Variants in DNAH9 observed in about 807,000 individuals in gnomAD.
DNAH9 encodes the protein DNAH9 variant protein.
In DNAH9, 345 loss-of-function variants were observed where a neutral mutation model predicts 471.6. That is an observed-to-expected ratio of 0.73 (90% confidence interval 0.67 to 0.80). The LOEUF is 0.80. DNAH9 is among the 30% of genes least tolerant of loss of function. DNAH9 has a pLI of 0.00. For synonymous variants in DNAH9, 2,093 were observed against 2,123.6 expected, an observed-to-expected ratio of 0.99 and a Z score of 0.40; for missense variants, 5,407 against 5,609.2, an observed-to-expected ratio of 0.96 and a Z score of 1.15.
chr17:11,709,588 G>A (rs2074796091), intron 26 of DNAH9, among the ~76,000 whole-genome samples: 1 of 152,136 alleles, frequency 6.6e-6, no homozygotes, highest in South Asian at 2.1e-4. Flanking sequence ...GATTATGCCT[G>A]TTTCTTTGGA....
rs764717107 is a variant in DNAH9 at position 11,942,439 on chromosome 17, C to A, written c.12797C>A (p.Thr4266Asn). The change falls in exon 67 of 69, where the codon ACC (threonine) becomes AAC (asparagine). Residue 4266 changes from threonine (T) to asparagine (N), a missense_variant. Thr to Asn is a moderately conservative substitution (Grantham distance 65). Transcript: ENST00000262442. ...FQECGRMNILTREIQRSLREL... is the reference protein window; with the variant it reads ...FQECGRMNILNREIQRSLREL... ...GAGTGTGGCCGGATGAATATCCTCACCAGAGAGATTCAGCGCTCACTGAGG... is the reference window on the plus strand; with the variant it reads ...GAGTGTGGCCGGATGAATATCCTCAACAGAGAGATTCAGCGCTCACTGAGG... 4.3e-6 allele frequency: 7 copies of A among 1,614,000 alleles called. No homozygotes were observed. The highest frequency in any genetic ancestry group is 5.9e-6 in the Non-Finnish European group (7 of 1,180,016).
At position 11,939,315 on chromosome 17, in the gene DNAH9, ATAGACT is replaced by A. The variant is rs1291743250; in HGVS notation, c.12660+1798_12660+1803del. 8.5e-5 allele frequency among the ~76,000 whole-genome samples: 13 copies of A among 152,332 alleles called. No individual in the cohort carries two copies. In the South Asian group the frequency reaches 1.0e-3, roughly 12 times the overall value. ...GGAAAAGGCTGAGACTGTATAAGTA[ATAGACT>A]TAGAATTCTTCAGTCAAGGTTCAAA... is the stretch of plus-strand genomic sequence containing the variant. On this transcript the variant is annotated intron_variant, in intron 66 of 68. Transcript: ENST00000262442.
intron 28 of DNAH9, 64 bp downstream of exon 28, chr17:11,727,986 C>A: frequency 9.4e-7 from 1 of 1,062,844 alleles, no homozygotes; most frequent in South Asian, 1.3e-5. Flanking sequence ...AAGTCTATGT[C>A]CTCTTGTTTT....
chr17:11,717,001 A>G (rs1477170518), intron 26 of DNAH9, among the ~76,000 whole-genome samples: 1 of 152,250 alleles, frequency 6.6e-6, no homozygotes, highest in Non-Finnish European at 1.5e-5. Context: ...AGGTGAGGCC[A>G]CGCATAGGGC....
In DNAH9 at chr17:11,690,434, CAGG is replaced by C. The variant is rs768185747; in HGVS notation, c.4613_4614+1del. On this transcript the variant is annotated splice_donor_variant and coding_sequence_variant, in exon 20 of 69. Transcript: ENST00000262442. LOFTEE classifies it high-confidence loss of function. ...TGAAGATATTCGGGCACAGCTACCCCAGGTACCTGCTAAGGAAATCTAGAATCT... is the reference window on the plus strand; with the variant it reads ...TGAAGATATTCGGGCACAGCTACCCCTACCTGCTAAGGAAATCTAGAATCT... 2.5e-6 allele frequency: 4 copies of C among 1,611,942 alleles called. No individual in the cohort carries two copies. The highest frequency in any genetic ancestry group is 3.4e-6 in the Non-Finnish European group (4 of 1,178,456).
At chr17:11,859,108 G>T (rs1280485644) in intron 50 of DNAH9, among the ~76,000 whole-genome samples, 1 of 136,066 alleles carries the variant, frequency 7.3e-6, no homozygotes, top group Non-Finnish European at 1.6e-5. Flanking sequence ...AAAAAAAAGA[G>T]TAATGACACA....
rs751676731 is a variant in DNAH9, at chr17:11,756,667, T to G, written c.6838T>G (p.Ser2280Ala). ...GCGCACAGCCACTCCAGCAACTGTC[T>G]CTAGAGCAGGTACGGCCCAAGAAGG... The part of the protein sequence containing the change: ...HLRTATPATV[S>A]RAGILYINPA... The change falls in exon 34 of 69, where the codon TCT becomes GCT. Residue 2280 changes from serine to alanine, a missense_variant. Physicochemically the swap from Ser to Ala is moderately conservative, Grantham distance 99 (BLOSUM62 1). This residue lies in a region of DNAH9 where 4,636 missense variants were observed against 4,900.3 expected (regional missense o/e 0.95). Coordinates refer to ENST00000262442, the MANE Select transcript of DNAH9 (RefSeq NM_001372.4). The G allele has an allele frequency of 5.6e-6, 9 of 1,605,912 alleles. No homozygotes were observed. The highest frequency in any genetic ancestry group is 5.5e-5 in the South Asian group (5 of 90,900).
At chr17:11,816,677 C>G (rs543760760) in intron 45 of DNAH9, among the ~76,000 whole-genome samples, 1 of 152,260 alleles carries the variant, frequency 6.6e-6, no homozygotes, top group South Asian at 2.1e-4. Flanking sequence ...CTAACTAAAC[C>G]ACGTTAAATT....
Position 11,902,805 on chromosome 17 carries a change from A to T in DNAH9, c.11493A>T (p.Glu3831Asp), listed in dbSNP as rs1206371064. ...GCTGGAAAAAGTTTGTGGAGTCCGA[A>T]TGTCCTGAGAAAGAGAAGCTCCCAC... is the stretch of plus-strand genomic sequence containing the variant. ...AKSWKKFVES[E>D]CPEKEKLPQE... is the part of the protein sequence containing the mutation. Residue 3831 changes from glutamate to aspartate, a missense_variant, in exon 60 of 69, where the codon GAA (glutamate) becomes GAT (aspartate). This residue lies in a region of DNAH9 where 4,636 missense variants were observed against 4,900.3 expected (regional missense o/e 0.95). Coordinates refer to ENST00000262442, the MANE Select transcript of DNAH9 (RefSeq NM_001372.4). The T allele has an allele frequency of 6.8e-6, 11 of 1,613,964 alleles. No individual in the cohort carries two copies. Among genetic ancestry groups the T allele is most frequent in the Non-Finnish European group, 9.3e-6 (11 of 1,179,926 alleles).
intron 1 of DNAH9, 106 bp from the exon 2 acceptor site, chr17:11,608,019 TGACC>T: frequency 1.3e-6 from 1 of 763,660 alleles, no homozygotes; most frequent in Non-Finnish European, 2.1e-6. Flanking sequence ...TCCAGCACAG[TGACC>T]TGCAAAAGGT....
chr17:11,816,372 T>A (rs2150934328), intron 45 of DNAH9, among the ~76,000 whole-genome samples: 1 of 152,266 alleles, frequency 6.6e-6, no homozygotes, highest in African/African-American at 2.4e-5. Flanking sequence ...TCTTAATACA[T>A]CTCCCAGCCC....
At chr17:11,863,232 C>A (rs570658586) in intron 50 of DNAH9, among the ~76,000 whole-genome samples, 3 of 152,018 alleles carry the variant, frequency 2.0e-5, no homozygotes, top group African/African-American at 7.2e-5. Context: ...TAGCATGAAG[C>A]GTTGTTGAAT....
chr17:11,708,043 A>AGG (rs2074755441), intron 26 of DNAH9, among the ~76,000 whole-genome samples: 1 of 149,066 alleles, frequency 6.7e-6, no homozygotes, highest in Non-Finnish European at 1.5e-5. Flanking sequence ...AGAGAGAGAG[A>AGG]GAGAGAGAGA....
Position 11,891,810 on chromosome 17 carries a change from A to G in DNAH9, c.11146A>G (p.Arg3716Gly). ...FSIVFQKAVE[R>G]AAPDESLRER... ...TATCGTCTTCCAGAAGGCTGTGGAG[A>G]GGGCTGCTCCTGACGAAAGCCTCAG... is the stretch of plus-strand genomic sequence containing the variant. Residue 3716 changes from arginine (R) to glycine (G), a missense_variant, in exon 58 of 69, where the codon AGG (arginine) becomes GGG (glycine). This residue lies in a region of DNAH9 where 4,636 missense variants were observed against 4,900.3 expected (regional missense o/e 0.95). Coordinates refer to ENST00000262442, the MANE Select transcript of DNAH9 (RefSeq NM_001372.4). 1.2e-6 allele frequency: 2 copies of G among 1,613,982 alleles called. No individual in the cohort carries two copies. The highest frequency in any genetic ancestry group is 1.7e-6 in the Non-Finnish European group (2 of 1,179,982).
intron 55 of DNAH9, chr17:11,883,147 G>C: frequency 1.0e-6 from 1 of 991,642 alleles, no homozygotes; most frequent in Non-Finnish European, 1.2e-6. Context: ...AAAACTGGAA[G>C]ACAGATTCTG....
At chr17:11,938,034 G>A (rs1043800241) in intron 66 of DNAH9, among the ~76,000 whole-genome samples, 7 of 152,172 alleles carry the variant, frequency 4.6e-5, no homozygotes, top group Middle Eastern at 3.2e-3. Context: ...ACAGTTACCT[G>A]CCACTAAGCA....
chr17:11,839,201 G>C (rs182240756), intron 49 of DNAH9, among the ~76,000 whole-genome samples: 4 of 152,192 alleles, frequency 2.6e-5, no homozygotes, highest in African/African-American at 9.6e-5. Context: ...CAAATAATAG[G>C]TAACAGCATT....
chr17:11,666,234 C>T (rs2073865094), intron 15 of DNAH9, among the ~76,000 whole-genome samples: 1 of 152,144 alleles, frequency 6.6e-6, no homozygotes, highest in Non-Finnish European at 1.5e-5. Flanking sequence ...GTTCAGGGGG[C>T]TTCATCACTA....
At chr17:11,847,328 T>C (rs1215486542) in intron 49 of DNAH9, among the ~76,000 whole-genome samples, 1 of 152,222 alleles carries the variant, frequency 6.6e-6, no homozygotes, top group Non-Finnish European at 1.5e-5. Context: ...CTTCTTGGGT[T>C]TTTATAATTT....
Sources: allele counts gnomAD v4.1 joint callset (sites outside exome capture counted in the v4.1 genomes callset), GRCh38; gene constraint gnomAD v4.1.1; regional missense constraint gnomAD v4.1.1; transcripts MANE v1.5; gene names NCBI Gene and HGNC (gene_info 2026-07-23, HGNC 2026-07-21).